DLG2: variants seen among roughly 807,000 people sequenced by gnomAD.
DLG2 encodes the protein discs large MAGUK scaffold protein 2.
Under a neutral mutation model 132.5 loss-of-function variants are expected in DLG2, and 45 were observed. The ratio of observed to expected loss-of-function variants is 0.34; its 90% CI spans 0.27 to 0.44. DLG2 has a LOEUF of 0.44. DLG2 is among the 20% of genes least tolerant of loss of function. DLG2 has a pLI of 1.00. For synonymous variants in DLG2, 424 were observed against 419.6 expected, an observed-to-expected ratio of 1.01 and a Z score of -0.13; for missense variants, 1,045 against 1,196.9, an observed-to-expected ratio of 0.87 and a Z score of 1.87.
intron 16 of DLG2, among the ~76,000 whole-genome samples, chr11:83,858,278 GT>G (rs2060879741): frequency 6.6e-6 from 1 of 152,124 alleles, no homozygotes; most frequent in African/African-American, 2.4e-5. Flanking sequence ...ATGTCAGGGG[GT>G]CAAAACCACA....
At chr11:84,053,387 G>GT (rs2096437901) in intron 11 of DLG2, among the ~76,000 whole-genome samples, 2 of 151,892 alleles carry the variant, frequency 1.3e-5, no homozygotes, top group African/African-American at 4.8e-5. Context: ...GTTTACCTAT[G>GT]TAACAAACCT....
chr11:84,358,338 T>A (rs2098629847), intron 7 of DLG2, among the ~76,000 whole-genome samples: 1 of 151,474 alleles, frequency 6.6e-6, no homozygotes, highest in African/African-American at 2.4e-5. Flanking sequence ...ATAACTTCTG[T>A]CTTCATCAAA....
intron 3 of DLG2, among the ~76,000 whole-genome samples, chr11:85,461,429 T>C (rs773330519): frequency 1.3e-5 from 2 of 152,136 alleles, no homozygotes; most frequent in Non-Finnish European, 1.5e-5. Flanking sequence ...AAAACTGACA[T>C]TTGGGCAAAA....
At chr11:84,959,837 G>T (rs2052281522) in intron 6 of DLG2, among the ~76,000 whole-genome samples, 1 of 152,086 alleles carries the variant, frequency 6.6e-6, no homozygotes, top group African/African-American at 2.4e-5. Context: ...GTTCTCTTGG[G>T]CGTGGGAGAA....
chr11:85,430,256 G>C (rs1243435062), intron 3 of DLG2, among the ~76,000 whole-genome samples: 1 of 151,552 alleles, frequency 6.6e-6, no homozygotes, highest in Non-Finnish European at 1.5e-5. Context: ...AATGTTAAAT[G>C]ACGAGTTGAT....
At chr11:85,134,027 A>C (rs1047920439) in intron 5 of DLG2, among the ~76,000 whole-genome samples, 46 of 141,972 alleles carry the variant, frequency 3.2e-4, no homozygotes, top group Non-Finnish European at 7.7e-5. Flanking sequence ...AGGGAGAATG[A>C]GGGAGAGTGA....
At chr11:84,139,015 T>C (rs1348904638) in intron 9 of DLG2, among the ~76,000 whole-genome samples, 1 of 152,128 alleles carries the variant, frequency 6.6e-6, no homozygotes. Context: ...GTTTTCATTT[T>C]ACCACAGCAA....
intron 6 of DLG2, among the ~76,000 whole-genome samples, chr11:84,615,818 T>TAAAAAAAAAAAAAAACA (rs2099603050): frequency 1.5e-5 from 1 of 67,640 alleles, no homozygotes; most frequent in Non-Finnish European, 2.8e-5. Flanking sequence ...ACAAAAACGG[T>TAAAAAAAAAAAAAAACA]AAAAAAAAAA....
intron 3 of DLG2, among the ~76,000 whole-genome samples, chr11:85,474,668 CTCTA>C (rs1372818090): frequency 1.3e-5 from 2 of 151,814 alleles, no homozygotes; most frequent in Admixed American, 6.6e-5. Context: ...TAAAATTGTT[CTCTA>C]TCTATGCAGT....
At chr11:84,233,331 C>T (rs1344579717) in intron 8 of DLG2, among the ~76,000 whole-genome samples, 1 of 152,118 alleles carries the variant, frequency 6.6e-6, no homozygotes, top group African/African-American at 2.4e-5. Context: ...GCAGAGCGTC[C>T]CTTCTAGCAA....
intron 3 of DLG2, among the ~76,000 whole-genome samples, chr11:85,497,732 C>G (rs577365694): frequency 6.6e-6 from 1 of 152,122 alleles, no homozygotes; most frequent in Non-Finnish European, 1.5e-5. Flanking sequence ...GCTGATCTCT[C>G]GGCAGAAACC....
At chr11:83,903,710 C>A (rs1259826541) in intron 15 of DLG2, among the ~76,000 whole-genome samples, 12 of 152,082 alleles carry the variant, frequency 7.9e-5, no homozygotes, top group Admixed American at 7.9e-4. Context: ...TATTTTCAAC[C>A]AATTCACATC....
chr11:84,600,170 A>AAG (rs1334295843), intron 6 of DLG2, among the ~76,000 whole-genome samples: 1 of 118,484 alleles, frequency 8.4e-6, no homozygotes, highest in Non-Finnish European at 1.7e-5. Context: ...GAAAGAAAGA[A>AAG]AGAAAGAAAG....
chr11:83,644,856 C>T (rs1455028107), intron 18 of DLG2, among the ~76,000 whole-genome samples: 1 of 152,030 alleles, frequency 6.6e-6, no homozygotes, highest in Non-Finnish European at 1.5e-5. Context: ...TAAGTGAGGC[C>T]AAAATGTAAC....
intron 3 of DLG2, among the ~76,000 whole-genome samples, chr11:85,549,552 C>T (rs951573056): frequency 2.0e-5 from 3 of 152,276 alleles, no homozygotes; most frequent in Admixed American, 6.5e-5. Flanking sequence ...ACGTCAGAGG[C>T]ATTTGAGCCA....
At chr11:85,161,373 G>A (rs2152473036) in intron 4 of DLG2, among the ~76,000 whole-genome samples, 1 of 152,290 alleles carries the variant, frequency 6.6e-6, no homozygotes, top group Admixed American at 6.5e-5. Context: ...TATGGCCACT[G>A]CTGAGTGTCC....
intron 22 of DLG2, among the ~76,000 whole-genome samples, chr11:83,478,998 G>A (rs1183530342): frequency 2.0e-5 from 3 of 151,950 alleles, no homozygotes; most frequent in African/African-American, 7.2e-5. Flanking sequence ...TATAAAGAAT[G>A]TAAAAATGTT....
intron 7 of DLG2, chr11:84,316,978 T>C (rs755451004): frequency 2.5e-6 from 4 of 1,612,766 alleles, no homozygotes; most frequent in Non-Finnish European, 2.5e-6. Context: ...CTGGGCCCCC[T>C]GGTCCTGAGG....
chr11:85,455,120 G>T (rs1421446817), intron 3 of DLG2, among the ~76,000 whole-genome samples: 1 of 152,056 alleles, frequency 6.6e-6, no homozygotes, highest in Non-Finnish European at 1.5e-5. Context: ...GGGCAATATG[G>T]TCATTTTTAT....
Sources: gnomAD v4.1 joint callset for allele counts (sites outside exome capture counted in the v4.1 genomes callset) on GRCh38, gnomAD v4.1.1 for gene constraint, MANE v1.5 for transcripts, NCBI Gene and HGNC (gene_info 2026-07-23, HGNC 2026-07-21) for gene names.